CACNA1C: variants seen among roughly 807,000 people sequenced by gnomAD.
CACNA1C encodes calcium voltage-gated channel subunit alpha1 C, also known as voltage-dependent L-type calcium channel subunit alpha-1C.
CACNA1C carries 30 observed loss-of-function variants against 229.0 expected under a neutral mutation model. The ratio of observed to expected loss-of-function variants is 0.13; its 90% CI spans 0.10 to 0.18. CACNA1C has a LOEUF of 0.18. Ranked by LOEUF, CACNA1C falls within the 10% of genes least tolerant of loss-of-function variation. The pLI is 1.00. For missense variants in CACNA1C, 1,658 were observed against 2,845.0 expected, an observed-to-expected ratio of 0.58 and a Z score of 9.49; for synonymous variants, 1,114 against 1,132.5, an observed-to-expected ratio of 0.98 and a Z score of 0.33.
rs747409082 is a variant in CACNA1C at position 2,448,964 on chromosome 12, T to C, written c.478-12T>C. On this transcript the variant is annotated splice_polypyrimidine_tract_variant and intron_variant, in intron 3 of 46. Transcript: ENST00000399655. ...GACTTATTTTTCTCTCTTTTCTATT[T>C]CTGTTTCCTAGGAACGAGTGGAATA... 1.3e-5 allele frequency: 21 copies of C among 1,601,828 alleles called. No homozygotes were observed. The highest frequency in any genetic ancestry group is 1.7e-5 in the Admixed American group (1 of 58,824).
chr12:2,120,114 C>T (rs953758727), intron 2 of CACNA1C, among the ~76,000 whole-genome samples: 1 of 152,202 alleles, frequency 6.6e-6, no homozygotes, highest in African/African-American at 2.4e-5. Context: ...GACTGGCCTC[C>T]ACTGCTTTTG....
intron 3 of CACNA1C, among the ~76,000 whole-genome samples, chr12:2,371,509 G>T (rs528430074): frequency 6.6e-6 from 1 of 152,112 alleles, no homozygotes; most frequent in Non-Finnish European, 1.5e-5. Flanking sequence ...TTCTGATTCC[G>T]CAGGTCTCAG....
chr12:2,346,574 C>T lies in CACNA1C; in HGVS notation c.478-102402C>T, dbSNP rs2097032104. On this transcript the variant is annotated intron_variant, in intron 3 of 46. Coordinates refer to ENST00000399655, the MANE Select transcript of CACNA1C (RefSeq NM_000719.7). This position sits in a 1 kb window ranked among gnomAD's most constrained non-coding sequence, Gnocchi z 4.4. ...TGGCTGTGGCTCAGTCACATACTCC[C>T]CCATTTCTCTTAGCCGGCCCCAGTG... Among the ~76,000 whole-genome samples the T allele has an allele frequency of 1.3e-5, 2 of 152,232 alleles. No homozygotes were observed. Among genetic ancestry groups the T allele is most frequent in the South Asian group, 4.2e-4 (2 of 4,814 alleles).
At chr12:2,464,891 G>GT (rs2154566507) in intron 5 of CACNA1C, among the ~76,000 whole-genome samples, 1 of 152,300 alleles carries the variant, frequency 6.6e-6, no homozygotes, top group South Asian at 2.1e-4. Flanking sequence ...AATATCTGTG[G>GT]AGTGGATACC....
At chr12:2,322,095 T>G (rs957800095) in intron 3 of CACNA1C, among the ~76,000 whole-genome samples, 4 of 152,252 alleles carry the variant, frequency 2.6e-5, no homozygotes, top group African/African-American at 7.2e-5. Flanking sequence ...ATTTGCACTT[T>G]GGGTCAATTG....
At chr12:2,278,955 A>C (rs548896182) in intron 3 of CACNA1C, among the ~76,000 whole-genome samples, 25 of 152,280 alleles carry the variant, frequency 1.6e-4, no homozygotes, top group African/African-American at 6.0e-4. Context: ...GTGGTATCTC[A>C]TTGTGTTTTA....
intron 3 of CACNA1C, among the ~76,000 whole-genome samples, chr12:2,172,015 T>C (rs1002368197): frequency 5.9e-5 from 9 of 152,140 alleles, no homozygotes; most frequent in African/African-American, 2.2e-4. Flanking sequence ...AACCGAGCTG[T>C]GGGAGAGCGT....
intron 3 of CACNA1C, among the ~76,000 whole-genome samples, chr12:2,168,676 G>A (rs1187668128): frequency 1.3e-5 from 2 of 152,128 alleles, no homozygotes; most frequent in African/African-American, 2.4e-5. Flanking sequence ...GATCTTAAAT[G>A]GCCTACTATT....
chr12:2,623,745 G>A (rs1568878621), intron 29 of CACNA1C, among the ~76,000 whole-genome samples: 1 of 152,202 alleles, frequency 6.6e-6, no homozygotes, highest in Non-Finnish European at 1.5e-5. Context: ...GCCAACGGAA[G>A]ACAAGACAGG....
At chr12:2,380,127 C>T (rs1254146143) in intron 3 of CACNA1C, among the ~76,000 whole-genome samples, 2 of 152,046 alleles carry the variant, frequency 1.3e-5, no homozygotes, top group African/African-American at 4.8e-5. Context: ...AGCTTAAGCA[C>T]GTGTTCAACA....
chr12:1,988,245 A>G (rs2038363118), intron 1 of CACNA1C, among the ~76,000 whole-genome samples: 1 of 152,190 alleles, frequency 6.6e-6, no homozygotes, highest in African/African-American at 2.4e-5. Flanking sequence ...GTGCCATGTT[A>G]TCTTCATTTC....
At chr12:2,159,352 GGGT>G (rs2095715680) in intron 3 of CACNA1C, among the ~76,000 whole-genome samples, 1 of 151,994 alleles carries the variant, frequency 6.6e-6, no homozygotes, top group Non-Finnish European at 1.5e-5. Context: ...AAAATTAGCT[GGGT>G]GTGGTAACGT....
intron 1 of CACNA1C, among the ~76,000 whole-genome samples, chr12:1,990,681 C>T (rs2039141772): frequency 6.6e-6 from 1 of 152,098 alleles, no homozygotes; most frequent in Admixed American, 6.5e-5. Flanking sequence ...CAGAGAGATT[C>T]TTGACTATAC....
intron 11 of CACNA1C, among the ~76,000 whole-genome samples, chr12:2,561,501 A>G (rs1037830993): frequency 2.0e-5 from 3 of 152,236 alleles, no homozygotes; most frequent in Non-Finnish European, 4.4e-5. Flanking sequence ...TGAGTAATGC[A>G]GACAGTAAGC....
At chr12:2,411,852 G>A (rs1012161794) in intron 3 of CACNA1C, among the ~76,000 whole-genome samples, 1 of 152,236 alleles carries the variant, frequency 6.6e-6, no homozygotes, top group Non-Finnish European at 1.5e-5. Flanking sequence ...CAAAGGAATT[G>A]CAGATGTCTG....
At position 2,545,315 on chromosome 12, in the gene CACNA1C, T is replaced by C. The variant is rs556950668; in HGVS notation, c.1391-4628T>C. ...CCTAACAACCATAGAATGGTTGACA[T>C]TGAGTTATTCGGCAAATTCTCTTGT... On this transcript the variant is annotated intron_variant, in intron 9 of 46. Transcript: ENST00000399655. Among the ~76,000 whole-genome samples the C allele has an allele frequency of 5.3e-5, 8 of 150,400 alleles. No homozygotes were observed. In the South Asian group the frequency reaches 1.7e-3, roughly 32 times the overall value.
intron 3 of CACNA1C, among the ~76,000 whole-genome samples, chr12:2,317,617 A>G (rs1315199524): frequency 6.6e-6 from 1 of 152,228 alleles, no homozygotes; most frequent in African/African-American, 2.4e-5. Context: ...ACATACTTAT[A>G]CATGGTTAAG....
At chr12:2,436,475 T>C (rs117776978) in intron 3 of CACNA1C, among the ~76,000 whole-genome samples, 5 of 152,336 alleles carry the variant, frequency 3.3e-5, no homozygotes, top group African/African-American at 4.8e-5. Context: ...AACAAGAGGC[T>C]AAGCACAGAA....
chr12:2,501,101 C>A (rs1345958833), intron 7 of CACNA1C, among the ~76,000 whole-genome samples: 1 of 143,744 alleles, frequency 7.0e-6, no homozygotes, highest in African/African-American at 2.6e-5. Flanking sequence ...CCCTGCTACT[C>A]GGGAGGCTGA....
Sources: gnomAD v4.1 joint callset for allele counts (sites outside exome capture counted in the v4.1 genomes callset) on GRCh38, gnomAD v4.1.1 for gene constraint, Gnocchi (gnomAD v3.1) non-coding constraint, MANE v1.5 for transcripts, NCBI Gene and HGNC (gene_info 2026-07-23, HGNC 2026-07-21) for gene names.